DIAPH3: variants seen among roughly 807,000 people sequenced by gnomAD.
DIAPH3 encodes the protein protein diaphanous homolog 3.
Under a neutral mutation model 144.3 loss-of-function variants are expected in DIAPH3, and 117 were observed. The observed-to-expected ratio is 0.81, with a 90% CI of 0.70 to 0.95. DIAPH3 has a LOEUF of 0.95. Ranked by LOEUF, DIAPH3 falls within the 40% of genes least tolerant of loss-of-function variation. DIAPH3 has a pLI of 0.00. For missense variants in DIAPH3, 1,421 were observed against 1,412.7 expected (o/e 1.01, Z -0.09); for synonymous variants, 519 against 488.9 (o/e 1.06, Z -0.81).
At chr13:59,778,090 TAC>T (rs1404788591) in intron 25 of DIAPH3, among the ~76,000 whole-genome samples, 1 of 152,208 alleles carries the variant, frequency 6.6e-6, no homozygotes, top group Non-Finnish European at 1.5e-5. Flanking sequence ...CAAAACAACT[TAC>T]ACAGTCTCAT....
At chr13:59,971,671 T>C (rs1384588689) in intron 15 of DIAPH3, among the ~76,000 whole-genome samples, 1 of 152,220 alleles carries the variant, frequency 6.6e-6, no homozygotes, top group African/African-American at 2.4e-5. Flanking sequence ...TTCTCAATGG[T>C]GTCCTAATGC....
intron 25 of DIAPH3, among the ~76,000 whole-genome samples, chr13:59,794,149 G>A (rs1566317921): frequency 6.6e-6 from 1 of 152,154 alleles, no homozygotes; most frequent in Non-Finnish European, 1.5e-5. Flanking sequence ...TTTTAGGTAG[G>A]CTAGGCTAAG....
chr13:59,999,459 T>C (rs2052399396), intron 9 of DIAPH3, among the ~76,000 whole-genome samples: 1 of 151,872 alleles, frequency 6.6e-6, no homozygotes. Flanking sequence ...TAAGGAAAAA[T>C]TTAACTATCT....
chr13:60,119,313 A>C (rs1217107141), intron 2 of DIAPH3, among the ~76,000 whole-genome samples: 1 of 152,180 alleles, frequency 6.6e-6, no homozygotes, highest in African/African-American at 2.4e-5. Context: ...CATGTGAGTG[A>C]GCCATCTTGA....
intron 27 of DIAPH3, among the ~76,000 whole-genome samples, chr13:59,718,162 A>G (rs1428903976): frequency 6.7e-6 from 1 of 149,548 alleles, no homozygotes; most frequent in Non-Finnish European, 1.5e-5. Flanking sequence ...ACAAGGTCAG[A>G]TCCTTGGCCA....
intron 5 of DIAPH3, among the ~76,000 whole-genome samples, chr13:60,020,541 C>T (rs1411042394): frequency 6.6e-6 from 1 of 152,060 alleles, no homozygotes; most frequent in African/African-American, 2.4e-5. Flanking sequence ...CTAATTTTAA[C>T]TTTTGTAGAG....
intron 5 of DIAPH3, among the ~76,000 whole-genome samples, chr13:60,039,660 C>T (rs944997433): frequency 2.0e-5 from 3 of 152,094 alleles, no homozygotes; most frequent in African/African-American, 7.2e-5. Flanking sequence ...GGAAAACCAT[C>T]AATCAGTTCA....
At chr13:60,016,183 A>G (rs1032086325) in intron 5 of DIAPH3, 38 bp from the exon 6 acceptor site, 2 of 1,581,876 alleles carry the variant, frequency 1.3e-6, no homozygotes, top group African/African-American at 1.3e-5. Context: ...CATTGTCAGT[A>G]ACGCAGCTTG....
chr13:59,729,628 T>C (rs532079841), intron 27 of DIAPH3, among the ~76,000 whole-genome samples: 5 of 151,848 alleles, frequency 3.3e-5, no homozygotes, highest in Non-Finnish European at 7.4e-5. Flanking sequence ...TATATACAAA[T>C]ACATAACCCA....
chr13:59,768,031 C>A (rs1172807372), intron 27 of DIAPH3, among the ~76,000 whole-genome samples: 1 of 152,108 alleles, frequency 6.6e-6, no homozygotes, highest in Admixed American at 6.6e-5. Flanking sequence ...GTCCATTCTG[C>A]CTTTTGCTTG....
rs368874464 is a variant in DIAPH3, at chr13:60,047,854, C to T, written c.496-5034G>A. 3.3e-3 allele frequency among the ~76,000 whole-genome samples: 503 copies of T among 152,258 alleles called. 2 individuals carry two copies. Among genetic ancestry groups the T allele is most frequent in the African/African-American group, 0.011 (463 of 41,554 alleles). ...AGCACAAACCAGGAGAAAATATTTG[C>T]AATACAGTTAAGAACTGTATAGTGT... On this transcript the variant is annotated intron_variant, in intron 4 of 27. Transcript: ENST00000400324.
At chr13:59,810,757 T>C (rs560071248) in intron 25 of DIAPH3, 31 bp downstream of exon 25, 8 of 1,607,530 alleles carry the variant, frequency 5.0e-6, no homozygotes, top group South Asian at 3.3e-5. Context: ...TAAGTATACA[T>C]AGAATAAATA....
chr13:59,838,657 C>G (rs936795967), intron 23 of DIAPH3: 2 of 152,108 alleles, frequency 1.3e-5, no homozygotes, highest in African/African-American at 4.8e-5. Context: ...GTATCTAAAT[C>G]ACATCATGAG....
chr13:59,812,047 G>T (rs1248149594), intron 24 of DIAPH3, among the ~76,000 whole-genome samples: 1 of 152,114 alleles, frequency 6.6e-6, no homozygotes, highest in African/African-American at 2.4e-5. Flanking sequence ...AGAAAAGTGT[G>T]TAATTAAACT....
At chr13:60,107,114 A>C (rs2058441998) in intron 3 of DIAPH3, among the ~76,000 whole-genome samples, 1 of 152,128 alleles carries the variant, frequency 6.6e-6, no homozygotes, top group African/African-American at 2.4e-5. Context: ...TTTGGTGGCT[A>C]TATTGTGGTC....
At chr13:59,985,521 G>T (rs1369920410) in intron 12 of DIAPH3, among the ~76,000 whole-genome samples, 1 of 69,126 alleles carries the variant, frequency 1.4e-5, no homozygotes, top group Non-Finnish European at 2.9e-5. Flanking sequence ...TAGGAAAAGA[G>T]GAAGTCAAAT....
intron 27 of DIAPH3, among the ~76,000 whole-genome samples, chr13:59,684,855 T>A (rs1363346191): frequency 6.6e-5 from 10 of 152,172 alleles, no homozygotes; most frequent in Admixed American, 3.9e-4. Flanking sequence ...TGCTTACACA[T>A]AGTATCGTTA....
intron 27 of DIAPH3, among the ~76,000 whole-genome samples, chr13:59,762,824 C>A (rs1486191239): frequency 6.6e-6 from 1 of 152,072 alleles, no homozygotes; most frequent in Non-Finnish European, 1.5e-5. Context: ...GAGAACTTTA[C>A]AAGGTAATTA....
At chr13:59,731,426 C>A (rs1182437968) in intron 27 of DIAPH3, among the ~76,000 whole-genome samples, 1 of 152,094 alleles carries the variant, frequency 6.6e-6, no homozygotes, top group African/African-American at 2.4e-5. Context: ...ATAAAGTTCA[C>A]AGAAAATCCA....
Sources: allele counts gnomAD v4.1 joint callset (sites outside exome capture counted in the v4.1 genomes callset), GRCh38; gene constraint gnomAD v4.1.1; transcripts MANE v1.5; gene names NCBI Gene and HGNC (gene_info 2026-07-23, HGNC 2026-07-21).